Variants in ARHGAP15 observed in about 807,000 individuals in gnomAD.
ARHGAP15 encodes the protein rho GTPase-activating protein 15.
ARHGAP15 carries 51 observed loss-of-function variants against 63.7 expected under a neutral mutation model. That is an observed-to-expected ratio of 0.80 (90% CI 0.64 to 1.01). The LOEUF (loss-of-function observed/expected upper bound fraction) is 1.01, where lower values mean the gene tolerates loss of function less well. Among genes scored for constraint, ARHGAP15 ranks in the 50% least tolerant of loss-of-function variants. The pLI is 0.00. For missense variants in ARHGAP15, 560 were observed against 564.6 expected (o/e 0.99, Z 0.08); for synonymous variants, 191 against 193.8 (o/e 0.99, Z 0.12).
chr2:143,432,124 A>C (rs1371550561), intron 6 of ARHGAP15, among the ~76,000 whole-genome samples: 2 of 152,074 alleles, frequency 1.3e-5, no homozygotes, highest in African/African-American at 4.8e-5. Context: ...AGCTATGCAT[A>C]ATTTTGATTC....
chr2:143,481,079 A>C (rs1399284824), intron 8 of ARHGAP15, among the ~76,000 whole-genome samples: 1 of 152,166 alleles, frequency 6.6e-6, no homozygotes, highest in Non-Finnish European at 1.5e-5. Context: ...CTGGGGATTA[A>C]GAGCCTGACA....
chr2:143,410,489 A>G (rs1016845491), intron 6 of ARHGAP15, among the ~76,000 whole-genome samples: 3 of 152,234 alleles, frequency 2.0e-5, no homozygotes, highest in Non-Finnish European at 2.9e-5. Context: ...GGAAGAAAGC[A>G]TGCAAAAATG....
intron 2 of ARHGAP15, among the ~76,000 whole-genome samples, chr2:143,200,128 C>A (rs540377815): frequency 6.6e-6 from 1 of 152,098 alleles, no homozygotes; most frequent in Non-Finnish European, 1.5e-5. Context: ...AGACAACTTC[C>A]CTCAAAGTCA....
At chr2:143,551,443 C>A (rs1448248984) in intron 10 of ARHGAP15, among the ~76,000 whole-genome samples, 4 of 152,176 alleles carry the variant, frequency 2.6e-5, no homozygotes, top group African/African-American at 9.7e-5. Context: ...GTGTGAGCCA[C>A]TGAACCTGGC....
chr2:143,410,455 A>G (rs946908678), intron 6 of ARHGAP15, among the ~76,000 whole-genome samples: 1 of 152,224 alleles, frequency 6.6e-6, no homozygotes, highest in African/African-American at 2.4e-5. Flanking sequence ...TTTGAGATAG[A>G]ATACCTATAG....
intron 13 of ARHGAP15, among the ~76,000 whole-genome samples, chr2:143,764,764 C>T (rs1372991743): frequency 6.6e-6 from 1 of 152,172 alleles, no homozygotes; most frequent in East Asian, 1.9e-4. Context: ...CTCACTGTCT[C>T]TGCACCAACT....
At position 143,371,500 on chromosome 2, in the gene ARHGAP15, G is replaced by C. The variant is rs545767085; in HGVS notation, c.475-64101G>C. Among the ~76,000 whole-genome samples, 3 of 151,986 alleles carry C rather than the reference G, an allele frequency of 2.0e-5. No homozygotes were observed. The South Asian group carries it at 6.2e-4, about 32-fold the overall frequency. On this transcript the variant is annotated intron_variant, in intron 6 of 13. Transcript: ENST00000295095. ...CCTGCCTGTCTATCTATCCGTCTTC[G>C]TCTCCTCTCCCCACCCCCAACACAA... is the stretch of plus-strand genomic sequence containing the variant.
intron 10 of ARHGAP15, among the ~76,000 whole-genome samples, chr2:143,523,033 T>C (rs1245755504): frequency 2.6e-5 from 4 of 152,186 alleles, no homozygotes; most frequent in African/African-American, 9.6e-5. Context: ...GTTCTTTTTA[T>C]GCAAAGCATG....
intron 12 of ARHGAP15, among the ~76,000 whole-genome samples, chr2:143,655,410 A>G (rs976617144): frequency 7.7e-6 from 1 of 129,486 alleles, no homozygotes; most frequent in Non-Finnish European, 1.7e-5. Flanking sequence ...GCCCTGCTAC[A>G]TACTGCCAGA....
intron 4 of ARHGAP15, among the ~76,000 whole-genome samples, chr2:143,217,479 T>C (rs1379024917): frequency 1.3e-5 from 2 of 152,214 alleles, no homozygotes; most frequent in African/African-American, 4.8e-5. Context: ...TTGCCTGGAC[T>C]GTTTTTCTGG....
chr2:143,171,731 T>C (rs1310535617), intron 2 of ARHGAP15, among the ~76,000 whole-genome samples: 2 of 152,104 alleles, frequency 1.3e-5, no homozygotes, highest in Non-Finnish European at 2.9e-5. Flanking sequence ...CTATGAATAA[T>C]GAATTCAGTC....
At chr2:143,392,433 T>C (rs1687574182) in intron 6 of ARHGAP15, among the ~76,000 whole-genome samples, 1 of 152,232 alleles carries the variant, frequency 6.6e-6, no homozygotes, top group South Asian at 2.1e-4. Context: ...ATCTATTTTT[T>C]CAACAGATGT....
intron 1 of ARHGAP15, among the ~76,000 whole-genome samples, chr2:143,146,836 G>A (rs1390429959): frequency 1.3e-5 from 2 of 152,068 alleles, no homozygotes; most frequent in African/African-American, 4.8e-5. Context: ...AGAGTTTGGA[G>A]ATGAGCATTA....
rs1685718789 is a variant in ARHGAP15 at position 143,735,732 on chromosome 2, A to G, written c.1244+32208A>G. On this transcript the variant is annotated intron_variant, in intron 13 of 13. Transcript: ENST00000295095. Reference sequence around the variant, plus strand: ...AGTTTTCCCCAAAGATGGTCTTAGCAAGAAGAAGAAGAATGACTAGAAGTC... The same window carrying G: ...AGTTTTCCCCAAAGATGGTCTTAGCGAGAAGAAGAAGAATGACTAGAAGTC... Among the ~76,000 whole-genome samples, 3 of 152,040 alleles carry G rather than the reference A, an allele frequency of 2.0e-5. No homozygotes were observed. In the South Asian group the frequency reaches 6.2e-4, roughly 31 times the overall value.
chr2:143,488,062 C>CAGATGATTGTA (rs1692407195), intron 9 of ARHGAP15, among the ~76,000 whole-genome samples: 1 of 152,092 alleles, frequency 6.6e-6, no homozygotes, highest in South Asian at 2.1e-4. Flanking sequence ...ATGTAGAGGG[C>CAGATGATTGTA]AGAATAGATG....
intron 13 of ARHGAP15, among the ~76,000 whole-genome samples, chr2:143,756,434 A>AT (rs1400466482): frequency 6.6e-6 from 1 of 152,106 alleles, no homozygotes; most frequent in Non-Finnish European, 1.5e-5. Context: ...CAGTCTTATA[A>AT]TTTTTTTATT....
chr2:143,588,417 T>C (rs1434119818), intron 11 of ARHGAP15, among the ~76,000 whole-genome samples: 1 of 152,180 alleles, frequency 6.6e-6, no homozygotes, highest in Admixed American at 6.6e-5. Context: ...TGAGGTTTGC[T>C]GCATAGGTAT....
intron 12 of ARHGAP15, among the ~76,000 whole-genome samples, chr2:143,673,784 A>ATATATATG (rs71404481): frequency 8.8e-6 from 1 of 114,200 alleles, no homozygotes; most frequent in African/African-American, 2.9e-5. Context: ...ATATATATAT[A>ATATATATG]AACAACTCCT....
At chr2:143,189,143 G>A (rs1376370489) in intron 2 of ARHGAP15, among the ~76,000 whole-genome samples, 1 of 152,100 alleles carries the variant, frequency 6.6e-6, no homozygotes, top group Non-Finnish European at 1.5e-5. Context: ...AATTTTGAAA[G>A]CATTCTTCTA....
Sources: gnomAD v4.1 joint callset for allele counts (sites outside exome capture counted in the v4.1 genomes callset) on GRCh38, gnomAD v4.1.1 for gene constraint, MANE v1.5 for transcripts, NCBI Gene and HGNC (gene_info 2026-07-23, HGNC 2026-07-21) for gene names.